Variants in MICAL2 observed in about 807,000 individuals in gnomAD.
MICAL2 encodes microtubule associated monooxygenase, calponin and LIM domain containing 2, also known as [F-actin]-monooxygenase MICAL2.
A neutral mutation model predicts 127.3 loss-of-function variants in MICAL2; 77 were observed. That is an observed-to-expected ratio of 0.60 (90% confidence interval 0.50 to 0.73). The LOEUF (loss-of-function observed/expected upper bound fraction) is 0.73, where lower values mean the gene tolerates loss of function less well. Among genes scored for constraint, MICAL2 ranks in the 30% least tolerant of loss-of-function variants. The pLI is 0.00. For synonymous variants in MICAL2, 570 were observed against 551.1 expected (o/e 1.03, Z -0.48); for missense variants, 1,351 against 1,434.4 (o/e 0.94, Z 0.94).
intron 20 of MICAL2, 198 bp downstream of exon 20, chr11:12,242,970 A>G: frequency 2.1e-6 from 1 of 466,628 alleles, no homozygotes; most frequent in Non-Finnish European, 3.7e-6. Context: ...ATAAATAAAT[A>G]CATCATGAGA....
chr11:12,243,479 G>C (rs1565235782), intron 20 of MICAL2: 2 of 159,108 alleles, frequency 1.3e-5, no homozygotes, highest in Non-Finnish European at 2.8e-5. Context: ...TTTTCACTTA[G>C]TCTCCTCTTC....
At chr11:12,315,209 T>C (rs984931730) in intron 29 of MICAL2, among the ~76,000 whole-genome samples, 2 of 152,208 alleles carry the variant, frequency 1.3e-5, no homozygotes, top group African/African-American at 2.4e-5. Flanking sequence ...AAGTCAATTG[T>C]CAGTCTTATT....
chr11:12,145,791 G>A (rs1203092802), intron 2 of MICAL2, among the ~76,000 whole-genome samples: 4 of 152,186 alleles, frequency 2.6e-5, no homozygotes, highest in African/African-American at 9.7e-5. Context: ...CTGGGGTGAG[G>A]GACATGGCCA....
chr11:12,162,412 A>G lies in MICAL2; in HGVS notation c.257A>G (p.Asn86Ser), dbSNP rs762537530. 1 of 1,614,186 alleles carries G rather than the reference A, an allele frequency of 6.2e-7. No individual in the cohort carries two copies. Residue 86 changes from asparagine to serine, a missense_variant, in exon 3 of 28, where the codon AAC (asparagine) becomes AGC (serine). Transcript: ENST00000683283. Reference sequence around the variant, plus strand: ...TATAAGCGAGGGAAGTCGTGCACGAACACCAAGGTAAGGGGAAACCCTCCT... The same window carrying G: ...TATAAGCGAGGGAAGTCGTGCACGAGCACCAAGGTAAGGGGAAACCCTCCT... ...KEYKRGKSCT[N>S]TKCLIVGGGP... is the part of the protein sequence containing the mutation.
chr11:12,196,682 C>A (rs114781014), intron 3 of MICAL2, among the ~76,000 whole-genome samples: 1,592 of 152,230 alleles, frequency 0.01, 37 homozygotes, highest in African/African-American at 0.034. Context: ...GCTCTGGAAC[C>A]AATTGTCCTA....
At chr11:12,351,937 C>A (rs1412194735) in intron 33 of MICAL2, among the ~76,000 whole-genome samples, 1 of 151,914 alleles carries the variant, frequency 6.6e-6, no homozygotes, top group African/African-American at 2.4e-5. Context: ...ACTACAGGTG[C>A]ACACCACACC....
chr11:12,163,476 G>A (rs1855090409), intron 3 of MICAL2, among the ~76,000 whole-genome samples: 1 of 152,168 alleles, frequency 6.6e-6, no homozygotes, highest in Admixed American at 6.5e-5. Flanking sequence ...AGAAGCTGTC[G>A]AGTCCACCAT....
chr11:12,255,807 C>T lies in MICAL2; in HGVS notation c.2955+57C>T, dbSNP rs111316289. On this transcript the variant is annotated intron_variant, in intron 23 of 27. Transcript: ENST00000683283. ...AGACACTGGCTCTGGCATCCCAGGG[C>T]GGGCACATGGGATGTCGAGAGGATG... 91 of 1,419,572 alleles carry T rather than the reference C, an allele frequency of 6.4e-5. No homozygotes were observed. In the African/African-American group the frequency reaches 7.9e-4, roughly 12 times the overall value. The allele number at this position is 1,419,572 out of a possible 1,614,324, so 87.9% of individuals were successfully genotyped here.
chr11:12,204,064 G>A (rs914217779), intron 3 of MICAL2, among the ~76,000 whole-genome samples, 186 bp from the exon 4 acceptor site: 2 of 152,176 alleles, frequency 1.3e-5, no homozygotes, highest in Non-Finnish European at 2.9e-5. Flanking sequence ...AGTGGCTGGT[G>A]CGTGGTAGGC....
intron 1 of MICAL2, among the ~76,000 whole-genome samples, chr11:12,123,471 A>G (rs569954989): frequency 6.6e-5 from 10 of 152,294 alleles, no homozygotes; most frequent in African/African-American, 1.9e-4. Context: ...GAAGGCATCA[A>G]TGAAAGTTTT....
At chr11:12,358,531 A>G, downstream of MICAL2, 1 of 1,550,014 alleles carries the variant, frequency 6.5e-7, no homozygotes, top group Non-Finnish European at 8.9e-7. Context: ...GATCAGGCCA[A>G]GTGCACCACA....
downstream of MICAL2, among the ~76,000 whole-genome samples, chr11:12,361,948 G>A (rs1939211598): frequency 6.6e-6 from 1 of 152,202 alleles, no homozygotes; most frequent in East Asian, 1.9e-4. Context: ...TAATAAGAAA[G>A]TTCACATACA....
chr11:12,212,497 C>CA (rs1565172821), intron 6 of MICAL2, among the ~76,000 whole-genome samples: 2 of 151,886 alleles, frequency 1.3e-5, no homozygotes, highest in African/African-American at 2.4e-5. Flanking sequence ...CAAAACAAAA[C>CA]AAAAAACGAA....
rs374132864 is a variant in MICAL2 at position 12,208,997 on chromosome 11, C to T, written c.590-500C>T. On this transcript the variant is annotated intron_variant, in intron 5 of 27. Coordinates refer to ENST00000683283, the MANE Select transcript of MICAL2 (RefSeq NM_001282663.2). ...TCCAGACCTCTAGTGGACATTAAAT[C>T]TTAATTAGCCAGGCTTCACCTGATT... Among the ~76,000 whole-genome samples the T allele has an allele frequency of 4.1e-4, 61 of 149,670 alleles. No homozygotes were observed. The Middle Eastern group carries it at 0.017, about 42-fold the overall frequency.
intron 34 of MICAL2, among the ~76,000 whole-genome samples, chr11:12,356,487 G>C (rs1265001582): frequency 1.3e-5 from 2 of 152,196 alleles, no homozygotes; most frequent in Non-Finnish European, 2.9e-5. Flanking sequence ...TTAGGACTCT[G>C]TGTGGGGTGC....
chr11:12,186,087 G>A (rs1858218971), intron 3 of MICAL2, among the ~76,000 whole-genome samples: 1 of 152,214 alleles, frequency 6.6e-6, no homozygotes, highest in Non-Finnish European at 1.5e-5. Context: ...CAGCTGCAGG[G>A]GGAGGTCTTC....
intron 7 of MICAL2, 109 bp from the exon 8 acceptor site, chr11:12,216,110 A>T: frequency 1.3e-6 from 1 of 799,442 alleles, no homozygotes; most frequent in Non-Finnish European, 2.1e-6. Context: ...GTCTAACATG[A>T]ATATTCTGCA....
intron 29 of MICAL2, among the ~76,000 whole-genome samples, chr11:12,311,573 T>C (rs1018750640): frequency 3.3e-5 from 5 of 152,196 alleles, no homozygotes; most frequent in African/African-American, 1.2e-4. Flanking sequence ...GGCTAATTTT[T>C]GTATTTTTCT....
chr11:12,292,779 C>A (rs1233069529), downstream of MICAL2, among the ~76,000 whole-genome samples: 1 of 152,182 alleles, frequency 6.6e-6, no homozygotes, highest in Non-Finnish European at 1.5e-5. Context: ...GCCTCTGTTA[C>A]CTGCCAGGCC....
Sources: gnomAD v4.1 joint callset for allele counts (sites outside exome capture counted in the v4.1 genomes callset) on GRCh38, gnomAD v4.1.1 for gene constraint, MANE v1.5 for transcripts, NCBI Gene and HGNC (gene_info 2026-07-23, HGNC 2026-07-21) for gene names.